Variants in METTL21A observed in about 807,000 individuals in gnomAD.
The protein encoded by METTL21A is protein N-lysine methyltransferase METTL21A.
In METTL21A, 22 loss-of-function variants were observed where a neutral mutation model predicts 20.9. The observed-to-expected ratio is 1.05, with a 90% confidence interval of 0.75 to 1.50. METTL21A has a LOEUF of 1.50. Among genes scored for constraint, METTL21A ranks in the 40% most tolerant of loss-of-function variants. METTL21A has a pLI of 0.00. For missense variants in METTL21A, 271 were observed against 266.8 expected (o/e 1.02, Z -0.11); for synonymous variants, 93 against 102.0 (o/e 0.91, Z 0.53).
rs1385402005 is a variant in METTL21A at position 207,603,164 on chromosome 2, ATTTT to A, written c.259+18638_259+18641del. Reference sequence around the variant, plus strand: ...ACATTCTAGAAACATCCCTGTTTTAATTTTTTTATCTAAATCTTTTTGTGCTTTA... The same window carrying A: ...ACATTCTAGAAACATCCCTGTTTTAATTTATCTAAATCTTTTTGTGCTTTA... On this transcript the variant is annotated intron_variant, in intron 3 of 3. Coordinates refer to the METTL21A transcript ENST00000425132. 6 of 211,676 alleles carry A rather than the reference ATTTT, an allele frequency of 2.8e-5. No homozygotes were observed. The East Asian group carries it at 2.9e-4, about 10-fold the overall frequency. The allele number at this position is 211,676 out of a possible 1,614,324, so 13.1% of individuals were successfully genotyped here. A position where few individuals can be genotyped will look rare whatever the true frequency, so the allele number is the denominator to read the frequency against.
intron 2 of METTL21A, among the ~76,000 whole-genome samples, chr2:207,623,356 A>G (rs941734980): frequency 1.3e-5 from 2 of 152,238 alleles, no homozygotes; most frequent in African/African-American, 4.8e-5. Flanking sequence ...ATTTATGCCA[A>G]TCATGCATTC....
chr2:207,624,848 T>A (rs1040070352), intron 1 of METTL21A: 3 of 152,170 alleles, frequency 2.0e-5, no homozygotes, highest in African/African-American at 7.2e-5. Context: ...CCACCTCCCC[T>A]CCTCCATCGG....
intron 3 of METTL21A, 96 bp downstream of exon 3, chr2:207,621,710 T>A: frequency 9.4e-7 from 1 of 1,062,868 alleles, no homozygotes; most frequent in Non-Finnish European, 1.5e-6. Flanking sequence ...AATAACCCAG[T>A]AAGGGGAAAA....
At chr2:207,622,165 T>C (rs946267779) in intron 2 of METTL21A, among the ~76,000 whole-genome samples, 4 of 147,572 alleles carry the variant, frequency 2.7e-5, no homozygotes, top group Admixed American at 2.7e-4. Context: ...AGCTTAATTT[T>C]TTTTTTTTTT....
At chr2:207,603,510 T>G in intron 3 of METTL21A, 1 of 225,114 alleles carries the variant, frequency 4.4e-6, no homozygotes, top group Admixed American at 5.7e-5. Flanking sequence ...CATGTTTTAT[T>G]GGACTTAAAG....
chr2:207,606,377 G>C (rs1047263015), downstream of METTL21A, among the ~76,000 whole-genome samples: 4 of 152,314 alleles, frequency 2.6e-5, no homozygotes, highest in Admixed American at 2.0e-4. Flanking sequence ...AGCTACTCGG[G>C]AGGCTGAGGC....
chr2:207,621,775 GCTCA>G (rs749212105), intron 3 of METTL21A, 27 bp downstream of exon 3: 6 of 1,566,310 alleles, frequency 3.8e-6, no homozygotes, highest in Non-Finnish European at 4.4e-6. Flanking sequence ...AATGAGTTCT[GCTCA>G]CTAAGGAGTC....
At chr2:207,585,511 A>C (rs950189313) in intron 3 of METTL21A, among the ~76,000 whole-genome samples, 1 of 152,240 alleles carries the variant, frequency 6.6e-6, no homozygotes, top group Non-Finnish European at 1.5e-5. Context: ...AGGACACAAG[A>C]AACATAAAAT....
chr2:207,584,961 C>T (rs1474378376), intron 3 of METTL21A, among the ~76,000 whole-genome samples: 1 of 151,702 alleles, frequency 6.6e-6, no homozygotes, highest in East Asian at 1.9e-4. Context: ...GTACATCATG[C>T]TTGTGGTATT....
chr2:207,621,738 G>A (rs1286733855), intron 3 of METTL21A, 68 bp downstream of exon 3: 24 of 1,376,770 alleles, frequency 1.7e-5, no homozygotes, highest in Admixed American at 6.7e-5. Context: ...AGGGTTTTGC[G>A]CTAAGAAAAC....
chr2:207,605,513 A>G (rs1253374875), downstream of METTL21A, among the ~76,000 whole-genome samples: 1 of 152,148 alleles, frequency 6.6e-6, no homozygotes, highest in Non-Finnish European at 1.5e-5. Context: ...ACTTTATGTA[A>G]TATGTACACT....
chr2:207,593,289 G>A (rs2106636749), intron 3 of METTL21A, among the ~76,000 whole-genome samples: 1 of 152,316 alleles, frequency 6.6e-6, no homozygotes, highest in Admixed American at 6.5e-5. Flanking sequence ...ACTTTGGGAG[G>A]CTGAGGCAGG....
chr2:207,581,383 A>G (rs2082935083), downstream of METTL21A: 1 of 201,176 alleles, frequency 5.0e-6, no homozygotes, highest in Non-Finnish European at 1.0e-5. Context: ...ATTTTTATTA[A>G]GATGGGAAGA....
At chr2:207,613,361 G>C in exon 4 of METTL21A, 1 of 1,613,208 alleles carries the variant, frequency 6.2e-7, no homozygotes, top group South Asian at 1.1e-5. Context: ...TTTTAGTTTG[G>C]ATATGAGGAG....
chr2:207,590,143 AGT>A, intron 3 of METTL21A, among the ~76,000 whole-genome samples: 1 of 112,612 alleles, frequency 8.9e-6, no homozygotes. Context: ...TTTCTTCTTC[AGT>A]GAGTTTTGGA....
intron 3 of METTL21A, among the ~76,000 whole-genome samples, chr2:207,588,748 T>TGG (rs2084384783): frequency 4.2e-5 from 6 of 142,222 alleles, no homozygotes; most frequent in South Asian, 2.4e-4. Flanking sequence ...TTTTTGTGTG[T>TGG]GGGGGTGGGG....
chr2:207,581,843 C>T lies in METTL21A; in HGVS notation c.*304G>A, dbSNP rs750045576. 2.4e-5 allele frequency: 17 copies of T among 702,680 alleles called. No individual in the cohort carries two copies. In the African/African-American group the frequency reaches 3.0e-4, roughly 12 times the overall value. The allele number at this position is 702,680 out of a possible 1,614,324, so 43.5% of individuals were successfully genotyped here. ...GCATTTAATTATAGTCTCCTTCAGT[C>T]TGTGAAAGTTTGTTTCCTTGTCTTT... On this transcript the variant is annotated 3_prime_UTR_variant, in exon 4 of 4. Coordinates refer to the METTL21A transcript ENST00000425132.
intron 3 of METTL21A, among the ~76,000 whole-genome samples, chr2:207,595,442 A>T (rs1333819729): frequency 6.6e-6 from 1 of 151,270 alleles, no homozygotes; most frequent in Non-Finnish European, 1.5e-5. Context: ...CTTTCTTTTG[A>T]GACAGCATCT....
At chr2:207,617,899 T>C (rs922371188) in intron 3 of METTL21A, among the ~76,000 whole-genome samples, 3 of 150,328 alleles carry the variant, frequency 2.0e-5, no homozygotes, top group Non-Finnish European at 4.4e-5. Flanking sequence ...AGTCAAGGAG[T>C]TGGGTGGGGG....
Sources: gnomAD v4.1 joint callset for allele counts (sites outside exome capture counted in the v4.1 genomes callset) on GRCh38, gnomAD v4.1.1 for gene constraint, MANE v1.5 for transcripts, NCBI Gene and HGNC (gene_info 2026-07-23, HGNC 2026-07-21) for gene names.